Variants in FRMD4A observed in about 807,000 individuals in gnomAD.
The protein encoded by FRMD4A is FERM domain containing 4A, also known as FERM domain-containing protein 4A.
A neutral mutation model predicts 129.1 loss-of-function variants in FRMD4A; 29 were observed. That is an observed-to-expected ratio of 0.22 (90% CI 0.17 to 0.31). FRMD4A has a LOEUF of 0.31. FRMD4A is among the 10% of genes least tolerant of loss of function. The pLI, the probability that FRMD4A is intolerant of heterozygous loss-of-function variation, is 1.00. For missense variants in FRMD4A, 1,272 were observed against 1,375.8 expected (o/e 0.92, Z 1.19); for synonymous variants, 634 against 571.6 (o/e 1.11, Z -1.56).
chr10:13,798,730 T>TAAAA (rs1306750844), intron 4 of FRMD4A, among the ~76,000 whole-genome samples: 1 of 152,004 alleles, frequency 6.6e-6, no homozygotes. Context: ...AATAAATAAA[T>TAAAA]AAATGGAAGA....
At chr10:14,152,517 A>C (rs960438993) in intron 2 of FRMD4A, among the ~76,000 whole-genome samples, 2 of 152,220 alleles carry the variant, frequency 1.3e-5, no homozygotes, top group Non-Finnish European at 2.9e-5. Context: ...TGTTGGTTGC[A>C]TTGACCAAGA....
intron 6 of FRMD4A, among the ~76,000 whole-genome samples, chr10:13,764,369 G>A (rs1241861257): frequency 6.6e-6 from 1 of 152,022 alleles, no homozygotes; most frequent in Non-Finnish European, 1.5e-5. Context: ...GCCTGGAGTG[G>A]TGGTGTATGC....
At chr10:14,167,031 A>T (rs1841218237) in intron 2 of FRMD4A, among the ~76,000 whole-genome samples, 1 of 152,222 alleles carries the variant, frequency 6.6e-6, no homozygotes, top group African/African-American at 2.4e-5. Flanking sequence ...TGACACATCA[A>T]CAGGGTGATG....
chr10:13,651,786 A>G lies in FRMD4A; in HGVS notation c.*2+117T>C. 7.3e-6 allele frequency: 5 copies of G among 684,192 alleles called. No homozygotes were observed. The South Asian group carries it at 8.4e-5, about 11-fold the overall frequency. The allele number at this position is 684,192 out of a possible 1,614,324, so 42.4% of individuals were successfully genotyped here. ...GTTCCAGTTCCCCATGTATCTAGAAATAAGGCATAAATACAGCATTCAGAT... is the reference window on the plus strand; with the variant it reads ...GTTCCAGTTCCCCATGTATCTAGAAGTAAGGCATAAATACAGCATTCAGAT... On this transcript the variant is annotated intron_variant, in intron 24 of 24. Transcript: ENST00000357447.
chr10:13,880,726 C>T (rs1011937897), intron 2 of FRMD4A, among the ~76,000 whole-genome samples: 70 of 152,168 alleles, frequency 4.6e-4, no homozygotes, highest in African/African-American at 1.6e-3. Context: ...GTCCAGACAC[C>T]CACCTGGCTT....
At chr10:13,672,814 C>G (rs985714098) in intron 16 of FRMD4A, among the ~76,000 whole-genome samples, 3 of 152,104 alleles carry the variant, frequency 2.0e-5, no homozygotes, top group Admixed American at 1.3e-4. Flanking sequence ...TTTAGCAAGA[C>G]CTCCCCCCAG....
intron 4 of FRMD4A, among the ~76,000 whole-genome samples, chr10:13,808,226 G>A (rs1226799028): frequency 2.0e-5 from 3 of 152,228 alleles, no homozygotes; most frequent in Non-Finnish European, 4.4e-5. Context: ...TTAGGAAATA[G>A]ACAAATACAT....
intron 2 of FRMD4A, among the ~76,000 whole-genome samples, chr10:14,271,167 T>C (rs959723580): frequency 3.3e-5 from 5 of 152,166 alleles, no homozygotes; most frequent in Non-Finnish European, 7.3e-5. Context: ...ATGGCCCCCA[T>C]GATCCAAACA....
At position 13,644,985 on chromosome 10, in the gene FRMD4A, A is replaced by C. The variant is rs2081030126; in HGVS notation, c.*2053T>G. 1 of 152,370 alleles carries C rather than the reference A, an allele frequency of 6.6e-6. No homozygotes were observed. Among genetic ancestry groups the C allele is most frequent in the Non-Finnish European group, 1.5e-5 (1 of 68,060 alleles). 9.4% of individuals were successfully genotyped at this position (152,370 alleles called of 1,614,324 possible). ...CCTGGAATCACCAGTCCAGCCATGC[A>C]TGGAGCTGGGGAAAGCAGGCCCTGA... is the stretch of plus-strand genomic sequence containing the variant. On this transcript the variant is annotated 3_prime_UTR_variant, in exon 25 of 25. Coordinates refer to ENST00000357447, the MANE Select transcript of FRMD4A (RefSeq NM_018027.5).
At chr10:13,715,737 C>A (rs1434207274) in intron 12 of FRMD4A, among the ~76,000 whole-genome samples, 2 of 151,982 alleles carry the variant, frequency 1.3e-5, no homozygotes, top group African/African-American at 4.8e-5. Flanking sequence ...GAAACCCAGT[C>A]TCTACTAAAG....
chr10:13,884,196 T>TCACACTCACACTCACACA (rs2094588235), intron 2 of FRMD4A, among the ~76,000 whole-genome samples: 9 of 108,536 alleles, frequency 8.3e-5, no homozygotes, highest in African/African-American at 3.2e-4. Context: ...ACACACACAC[T>TCACACTCACACTCACACA]CACACACACA....
intron 13 of FRMD4A, 122 bp from the exon 14 acceptor site, chr10:13,701,600 A>C: frequency 1.2e-6 from 1 of 809,126 alleles, no homozygotes; most frequent in Non-Finnish European, 2.0e-6. Context: ...ATGATAGATG[A>C]GCTCTCACAT....
At chr10:14,093,052 G>A (rs1836746900) in intron 2 of FRMD4A, among the ~76,000 whole-genome samples, 1 of 152,170 alleles carries the variant, frequency 6.6e-6, no homozygotes, top group African/African-American at 2.4e-5. Flanking sequence ...AAGGATCCAA[G>A]GCCAAGGCCA....
intron 6 of FRMD4A, among the ~76,000 whole-genome samples, chr10:13,777,791 A>AT (rs34059772): frequency 0.38 from 33,095 of 86,096 alleles, 7,260 homozygotes; most frequent in East Asian, 0.5. Context: ...CTTTGGGTCA[A>AT]TTTTTTTTTT....
chr10:13,770,279 TG>T (rs1345695081), intron 6 of FRMD4A, among the ~76,000 whole-genome samples: 2 of 152,180 alleles, frequency 1.3e-5, no homozygotes, highest in African/African-American at 2.4e-5. Flanking sequence ...AGTCACTTCA[TG>T]TTTGTCTAAT....
At chr10:13,913,512 C>T (rs1056651747) in intron 2 of FRMD4A, among the ~76,000 whole-genome samples, 2 of 152,146 alleles carry the variant, frequency 1.3e-5, no homozygotes, top group Non-Finnish European at 2.9e-5. Context: ...CTTCAGGCCA[C>T]GTCTTTTGAT....
At chr10:13,834,452 T>C (rs1361546737) in intron 3 of FRMD4A, among the ~76,000 whole-genome samples, 1 of 152,206 alleles carries the variant, frequency 6.6e-6, no homozygotes, top group Non-Finnish European at 1.5e-5. Flanking sequence ...CAGTCCTTTG[T>C]GCTCTTCTCC....
At chr10:14,133,317 A>G (rs961600980) in intron 2 of FRMD4A, among the ~76,000 whole-genome samples, 2 of 152,246 alleles carry the variant, frequency 1.3e-5, no homozygotes, top group African/African-American at 4.8e-5. Flanking sequence ...TTTGCTTTTA[A>G]GCACCAAAGC....
chr10:14,329,269 A>C (rs1453888342), intron 2 of FRMD4A, among the ~76,000 whole-genome samples: 1 of 152,218 alleles, frequency 6.6e-6, no homozygotes, highest in Admixed American at 6.5e-5. Flanking sequence ...AACAGCCAGT[A>C]TTACCGTGGT....
Sources: gnomAD v4.1 joint callset for allele counts (sites outside exome capture counted in the v4.1 genomes callset) on GRCh38, gnomAD v4.1.1 for gene constraint, MANE v1.5 for transcripts, NCBI Gene and HGNC (gene_info 2026-07-23, HGNC 2026-07-21) for gene names.